Variants in CRACR2A observed in about 807,000 individuals in gnomAD.
The protein encoded by CRACR2A is calcium release activated channel regulator 2A.
CRACR2A carries 79 observed loss-of-function variants against 90.5 expected under a neutral mutation model. The ratio of observed to expected loss-of-function variants is 0.87; its 90% CI spans 0.73 to 1.05. The LOEUF (loss-of-function observed/expected upper bound fraction) is 1.05, where lower values mean the gene tolerates loss of function less well. CRACR2A is among the 50% of genes least tolerant of loss of function. The probability of loss-of-function intolerance (pLI) is 0.00; values close to 1 mark genes in which losing one functional copy is unlikely to be tolerated. For missense variants in CRACR2A, 823 were observed against 897.2 expected, an observed-to-expected ratio of 0.92 and a Z score of 1.06; for synonymous variants, 338 against 356.7, an observed-to-expected ratio of 0.95 and a Z score of 0.59.
Position 3,671,744 on chromosome 12 carries a change from A to G in CRACR2A, c.671+1702T>C, listed in dbSNP as rs1220644316. On this transcript the variant is annotated intron_variant, in intron 7 of 19. Transcript: ENST00000440314. ...CCAGACAAATCCTCTAAGATTAACA[A>G]AGATACTTATTTAAAATACTAATAA... 2.6e-5 allele frequency among the ~76,000 whole-genome samples: 4 copies of G among 152,258 alleles called. No individual in the cohort carries two copies. In the East Asian group the frequency reaches 7.7e-4, roughly 29 times the overall value.
At chr12:3,650,613 G>A (rs1944777875) in intron 10 of CRACR2A, among the ~76,000 whole-genome samples, 1 of 152,280 alleles carries the variant, frequency 6.6e-6, no homozygotes, top group Non-Finnish European at 1.5e-5. Flanking sequence ...GAAGATCCTG[G>A]TGCTGTGCTT....
intron 8 of CRACR2A, among the ~76,000 whole-genome samples, chr12:3,658,910 C>T (rs914560291): frequency 1.3e-5 from 2 of 152,016 alleles, no homozygotes; most frequent in Non-Finnish European, 2.9e-5. Flanking sequence ...ATCCTGACCT[C>T]TTGAGACAAA....
chr12:3,652,446 G>A (rs1332905389), intron 10 of CRACR2A, among the ~76,000 whole-genome samples: 2 of 152,160 alleles, frequency 1.3e-5, no homozygotes, highest in Admixed American at 1.3e-4. Flanking sequence ...AGCTACTTGG[G>A]AGTTTTTTTG....
chr12:3,683,956 A>T lies in CRACR2A; in HGVS notation c.229-3607T>A, dbSNP rs1056631602. ...TGACTGGCAACCTTCCAGAACCTAG[A>T]ACATGAGGCATCTACAGCAGCAGTA... On this transcript the variant is annotated intron_variant, in intron 4 of 19. Coordinates refer to ENST00000440314, the MANE Select transcript of CRACR2A (RefSeq NM_001144958.2). Among the ~76,000 whole-genome samples the T allele has an allele frequency of 2.6e-5, 4 of 152,316 alleles. No homozygotes were observed. In the South Asian group the frequency reaches 8.3e-4, roughly 32 times the overall value.
chr12:3,624,988 C>T (rs939003842), intron 17 of CRACR2A, among the ~76,000 whole-genome samples: 27 of 152,294 alleles, frequency 1.8e-4, no homozygotes, highest in African/African-American at 6.5e-4. Flanking sequence ...GGCCCTGGCC[C>T]CTGGCCTCTG....
At chr12:3,679,323 G>C (rs1325783612) in intron 5 of CRACR2A, among the ~76,000 whole-genome samples, 1 of 152,214 alleles carries the variant, frequency 6.6e-6, no homozygotes, top group Non-Finnish European at 1.5e-5. Context: ...ATCTGGGAAT[G>C]GCAGAATGTA....
chr12:3,697,156 G>A, intron 3 of CRACR2A, 121 bp from the exon 4 acceptor site: 1 of 1,215,872 alleles, frequency 8.2e-7, no homozygotes, highest in South Asian at 1.6e-5. Context: ...GAATCTCTTA[G>A]CAACTACCTC....
intron 7 of CRACR2A, among the ~76,000 whole-genome samples, chr12:3,666,378 C>CGT (rs1565481763): frequency 3.9e-4 from 51 of 131,382 alleles, no homozygotes; most frequent in African/African-American, 1.4e-3. Flanking sequence ...CGTGCGCGCG[C>CGT]ACGCGCGCAC....
intron 2 of CRACR2A, chr12:3,727,230 A>C (rs1400938162): frequency 6.6e-6 from 1 of 151,578 alleles, no homozygotes; most frequent in South Asian, 2.1e-4. Flanking sequence ...ATGGATTGGG[A>C]AAAGTTGTTG....
At chr12:3,666,899 C>T (rs938519534) in intron 7 of CRACR2A, among the ~76,000 whole-genome samples, 3 of 152,214 alleles carry the variant, frequency 2.0e-5, no homozygotes, top group African/African-American at 7.2e-5. Context: ...GTAGCTTCTG[C>T]CTTTTGTAAA....
intron 3 of CRACR2A, among the ~76,000 whole-genome samples, chr12:3,709,017 C>T (rs74055988): frequency 0.01 from 1,587 of 152,262 alleles, 31 homozygotes; most frequent in African/African-American, 0.036. Context: ...TCTCCAGCTA[C>T]GTGGAAGGCA....
chr12:3,674,245 A>T (rs139499572), intron 6 of CRACR2A, among the ~76,000 whole-genome samples: 336 of 152,344 alleles, frequency 2.2e-3, no homozygotes, highest in Non-Finnish European at 3.6e-3. Context: ...ACTAGGGATG[A>T]CTGACAGGCA....
chr12:3,715,458 G>A (rs1450539908), intron 2 of CRACR2A, among the ~76,000 whole-genome samples: 1 of 152,206 alleles, frequency 6.6e-6, no homozygotes, highest in Non-Finnish European at 1.5e-5. Context: ...AGCTTGCAAA[G>A]CCACATGAAA....
intron 7 of CRACR2A, among the ~76,000 whole-genome samples, chr12:3,660,995 G>A (rs1945023299): frequency 6.6e-6 from 1 of 152,062 alleles, no homozygotes; most frequent in Non-Finnish European, 1.5e-5. Context: ...GTTTTAAGAG[G>A]TACTAGGAAG....
rs1447850859 is a variant in CRACR2A at position 3,638,287 on chromosome 12, G to A, written c.1439C>T (p.Pro480Leu). The A allele has an allele frequency of 3.2e-6, 5 of 1,551,548 alleles. No individual in the cohort carries two copies. In the East Asian group the frequency reaches 9.8e-5, roughly 30 times the overall value. The change falls in exon 14 of 20, where the codon CCC (proline) becomes CTC (leucine). Residue 480 changes from proline (P) to leucine (L), a missense_variant. By Grantham distance (98) the Pro-to-Leu change is moderately conservative (BLOSUM62 -3). Transcript: ENST00000440314. ...RIISVEEDPL[P>L]QLLDGGFEQP... Reference sequence around the variant, plus strand: ...CTCAAAGCCACCATCCAGGAGCTGGGGCAGGGGGTCTTCTTCAACGGAGAT... The same window carrying A: ...CTCAAAGCCACCATCCAGGAGCTGGAGCAGGGGGTCTTCTTCAACGGAGAT...
intron 2 of CRACR2A, among the ~76,000 whole-genome samples, chr12:3,713,883 C>T (rs1257764152): frequency 6.6e-6 from 1 of 152,202 alleles, no homozygotes; most frequent in Non-Finnish European, 1.5e-5. Context: ...TTGCACAGGA[C>T]AGTTTGGGAG....
At position 3,627,684 on chromosome 12, in the gene CRACR2A, C is replaced by T. The variant is rs377622248; in HGVS notation, c.1758G>A (p.Thr586=). The T allele has an allele frequency of 1.6e-5, 25 of 1,551,790 alleles. No individual in the cohort carries two copies. The highest frequency in any genetic ancestry group is 9.6e-5 in the African/African-American group (7 of 73,162). The change falls in exon 16 of 20, where the codon ACG becomes ACA. Residue 586 remains threonine (T), a synonymous_variant. Coordinates refer to ENST00000440314, the MANE Select transcript of CRACR2A (RefSeq NM_001144958.2). The part of the protein sequence containing the change: ...ATVGIDYRVK[T]LNVDNSQVAL... ...CCACCTGAGAGTTGTCCACATTCAA[C>T]GTCTTCACACGGTAATCAATGCCTG...
chr12:3,617,113 T>G (rs2137262640), intron 18 of CRACR2A, 83 bp from the exon 19 acceptor site: 1 of 1,000,130 alleles, frequency 1.0e-6, no homozygotes, highest in Non-Finnish European at 1.5e-6. Context: ...CCCTTGTGCA[T>G]CTACCTACAG....
chr12:3,627,641 T>G lies in CRACR2A; in HGVS notation c.1801A>C (p.Thr601Pro), dbSNP rs1417010929. The G allele has an allele frequency of 9.7e-6, 15 of 1,551,674 alleles. No homozygotes were observed. Residue 601 changes from threonine to proline, a missense_variant, in exon 16 of 20, where the codon ACG becomes CCG. Transcript: ENST00000440314. ...GCTCCTCACCTCTCCTGCCCAGCCGTGTCCCACAGCTGCAGGGCCACCTGA... is the reference window on the plus strand; with the variant it reads ...GCTCCTCACCTCTCCTGCCCAGCCGGGTCCCACAGCTGCAGGGCCACCTGA... ...NSQVALQLWD[T>P]AGQERYRCIT... is the part of the protein sequence containing the mutation.
Sources: allele counts gnomAD v4.1 joint callset (sites outside exome capture counted in the v4.1 genomes callset), GRCh38; gene constraint gnomAD v4.1.1; transcripts MANE v1.5; gene names NCBI Gene and HGNC (gene_info 2026-07-23, HGNC 2026-07-21).